The following GPC5 variants were observed in gnomAD, a reference collection of about 807,000 sequenced individuals.
GPC5 encodes the protein glypican-5.
GPC5 carries 47 observed loss-of-function variants against 53.9 expected under a neutral mutation model. The ratio of observed to expected loss-of-function variants is 0.87; its 90% confidence interval spans 0.69 to 1.11. The LOEUF is 1.11. GPC5 is among the 50% of genes most tolerant of loss of function. GPC5 has a pLI of 0.00. For missense variants in GPC5, 748 were observed against 713.1 expected, an observed-to-expected ratio of 1.05 and a Z score of -0.56; for synonymous variants, 286 against 263.3, an observed-to-expected ratio of 1.09 and a Z score of -0.84.
chr13:92,702,178 A>G (rs1373536292), intron 7 of GPC5, among the ~76,000 whole-genome samples: 2 of 152,052 alleles, frequency 1.3e-5, no homozygotes, highest in Admixed American at 1.3e-4. Context: ...AACTTTTAAC[A>G]ATGAAAATCC....
Position 91,434,366 on chromosome 13 carries a change from A to G in GPC5, c.164-14395A>G, listed in dbSNP as rs568756149. Among the ~76,000 whole-genome samples the G allele has an allele frequency of 1.4e-4, 21 of 152,038 alleles. No homozygotes were observed. In the East Asian group the frequency reaches 4.1e-3, roughly 29 times the overall value. On this transcript the variant is annotated intron_variant, in intron 1 of 7. Coordinates refer to ENST00000377067, the MANE Select transcript of GPC5 (RefSeq NM_004466.6). Reference sequence around the variant, plus strand: ...CATTTAAGTCTTTAATCCATCTTGAATTAATTTTTGTATAAGGTGTAAGGA... The same window carrying G: ...CATTTAAGTCTTTAATCCATCTTGAGTTAATTTTTGTATAAGGTGTAAGGA...
intron 6 of GPC5, chr13:92,060,014 A>T (rs1213043193): frequency 6.6e-6 from 1 of 151,910 alleles, no homozygotes. Context: ...AGTTCACTTA[A>T]GTTGCTCATT....
intron 1 of GPC5, among the ~76,000 whole-genome samples, chr13:91,437,302 G>A (rs1566396081): frequency 1.3e-5 from 2 of 152,140 alleles, no homozygotes; most frequent in Admixed American, 6.5e-5. Context: ...TTACAATTTG[G>A]CATGTTTTTG....
intron 2 of GPC5, among the ~76,000 whole-genome samples, chr13:91,496,396 G>A (rs1204685352): frequency 6.6e-6 from 1 of 152,102 alleles, no homozygotes; most frequent in Non-Finnish European, 1.5e-5. Flanking sequence ...ATCAACAGAC[G>A]AATGGATAAA....
intron 7 of GPC5, among the ~76,000 whole-genome samples, chr13:92,624,190 C>A (rs1192421880): frequency 1.3e-5 from 2 of 151,880 alleles, no homozygotes; most frequent in Non-Finnish European, 2.9e-5. Flanking sequence ...CTGCCTTGGC[C>A]CCCCTAGTAG....
chr13:92,556,518 C>T (rs762298733), intron 7 of GPC5, among the ~76,000 whole-genome samples: 1 of 151,538 alleles, frequency 6.6e-6, no homozygotes, highest in African/African-American at 2.4e-5. Flanking sequence ...TATGTAGAGA[C>T]CCAAGGTACG....
At position 91,492,788 on chromosome 13, in the gene GPC5, TG is replaced by T. The variant is rs570649278; in HGVS notation, c.325+43867del. Among the ~76,000 whole-genome samples, 609 of 152,350 alleles carry T rather than the reference TG, an allele frequency of 4.0e-3. 4 individuals are homozygous for T. The highest frequency in any genetic ancestry group is 0.014 in the Middle Eastern group (4 of 294). ...CCTTCCAATGTGTTAACTTTTTGAC[TG>T]CTCAGTTTCCTTTCTTCCAATGATC... On this transcript the variant is annotated intron_variant, in intron 2 of 7. Transcript: ENST00000377067.
At chr13:91,577,893 AAC>A (rs1411181248) in intron 2 of GPC5, among the ~76,000 whole-genome samples, 3 of 152,232 alleles carry the variant, frequency 2.0e-5, no homozygotes, top group Admixed American at 6.5e-5. Flanking sequence ...CGAAAGATGG[AAC>A]CTAATTCCTT....
intron 7 of GPC5, among the ~76,000 whole-genome samples, chr13:92,261,125 T>C (rs2042764014): frequency 6.6e-6 from 1 of 152,176 alleles, no homozygotes; most frequent in Admixed American, 6.6e-5. Context: ...GTCATTAAAT[T>C]ACATATGTTT....
At chr13:92,783,542 C>T (rs570589949) in intron 7 of GPC5, among the ~76,000 whole-genome samples, 2 of 152,082 alleles carry the variant, frequency 1.3e-5, no homozygotes, top group Non-Finnish European at 2.9e-5. Context: ...GGAGCTAAAC[C>T]GTAGTGTTGA....
intron 7 of GPC5, among the ~76,000 whole-genome samples, chr13:92,421,698 CAAAAAAAAAA>C: frequency 2.9e-5 from 2 of 69,486 alleles, no homozygotes; most frequent in East Asian, 4.5e-4. Flanking sequence ...GACTCCGTCT[CAAAAAAAAAA>C]AAAAAAAAAA....
intron 7 of GPC5, among the ~76,000 whole-genome samples, chr13:92,198,768 C>A (rs1044855921): frequency 6.6e-6 from 1 of 151,990 alleles, no homozygotes; most frequent in East Asian, 1.9e-4. Context: ...AAAGGATCCC[C>A]AAAAAAATTA....
Position 92,602,233 on chromosome 13 carries a change from C to CAT in GPC5, c.1562-264020_1562-264019dup, listed in dbSNP as rs149450440. On this transcript the variant is annotated intron_variant, in intron 7 of 7. Coordinates refer to ENST00000377067, the MANE Select transcript of GPC5 (RefSeq NM_004466.6). ...TACATATATATAAATATATATATAACATATATATATATATATATATATATA... is the reference window on the plus strand; with the variant it reads ...TACATATATATAAATATATATATAACATATATATATATATATATATATATATA... Among the ~76,000 whole-genome samples, 810 of 119,416 alleles carry CAT rather than the reference C, an allele frequency of 6.8e-3. 15 individuals carry two copies. The highest frequency in any genetic ancestry group is 0.024 in the African/African-American group (699 of 29,734). The allele number at this position is 119,416 out of a possible 152,430, so 78.3% of individuals were successfully genotyped here.
intron 6 of GPC5, among the ~76,000 whole-genome samples, chr13:91,971,217 T>G (rs955812072): frequency 3.9e-5 from 6 of 152,162 alleles, no homozygotes; most frequent in Non-Finnish European, 5.9e-5. Flanking sequence ...GTCGAGGAAT[T>G]TATCCATTTC....
intron 6 of GPC5, among the ~76,000 whole-genome samples, chr13:92,070,951 C>T (rs1316368333): frequency 6.6e-6 from 1 of 152,022 alleles, no homozygotes; most frequent in Non-Finnish European, 1.5e-5. Context: ...GAAATGAAAT[C>T]TGTTGGCCAG....
intron 7 of GPC5, among the ~76,000 whole-genome samples, chr13:92,384,636 C>T (rs1218426585): frequency 6.6e-6 from 1 of 151,952 alleles, no homozygotes; most frequent in Non-Finnish European, 1.5e-5. Flanking sequence ...GAATGTAAAC[C>T]TTGAGATTGG....
chr13:91,413,063 C>A lies in GPC5; in HGVS notation c.163+13854C>A, dbSNP rs116480570. Among the ~76,000 whole-genome samples, 861 of 152,294 alleles carry A rather than the reference C, an allele frequency of 5.7e-3. 8 individuals carry two copies. The highest frequency in any genetic ancestry group is 0.02 in the African/African-American group (819 of 41,560). On this transcript the variant is annotated intron_variant, in intron 1 of 7. Transcript: ENST00000377067. Reference sequence around the variant, plus strand: ...TTGGGAGGCCAAGGCAGGAGGATTTCTTGAGCTCAGAAGTTCAAGACCAGC... The same window carrying A: ...TTGGGAGGCCAAGGCAGGAGGATTTATTGAGCTCAGAAGTTCAAGACCAGC...
At chr13:91,873,905 C>T (rs554510556) in intron 5 of GPC5, among the ~76,000 whole-genome samples, 1 of 152,258 alleles carries the variant, frequency 6.6e-6, no homozygotes, top group South Asian at 2.1e-4. Context: ...TGGTCTCAAA[C>T]TCCTGAACTC....
At chr13:91,746,484 G>A (rs1268902461) in intron 4 of GPC5, among the ~76,000 whole-genome samples, 1 of 152,110 alleles carries the variant, frequency 6.6e-6, no homozygotes, top group Non-Finnish European at 1.5e-5. Flanking sequence ...AGTCTCTTCT[G>A]TGTTGTATTC....
Sources: allele counts gnomAD v4.1 joint callset (sites outside exome capture counted in the v4.1 genomes callset), GRCh38; gene constraint gnomAD v4.1.1; transcripts MANE v1.5; gene names NCBI Gene and HGNC (gene_info 2026-07-23, HGNC 2026-07-21).